Variants in WDR81 observed in about 807,000 individuals in gnomAD.
WDR81 encodes the protein WD repeat domain 81, also known as WD repeat-containing protein 81.
Under a neutral mutation model 140.8 loss-of-function variants are expected in WDR81, and 92 were observed. The observed-to-expected ratio is 0.65, with a 90% CI of 0.55 to 0.78. The LOEUF is 0.78. Ranked by LOEUF, WDR81 falls within the 30% of genes least tolerant of loss-of-function variation. The pLI, the probability that WDR81 is intolerant of heterozygous loss-of-function variation, is 0.00. For missense variants in WDR81, 2,502 were observed against 2,636.4 expected (o/e 0.95, Z 1.12); for synonymous variants, 1,183 against 1,156.4 (o/e 1.02, Z -0.47).
chr17:1,732,109 T>A (rs914115674), intron 4 of WDR81, among the ~76,000 whole-genome samples: 12 of 151,956 alleles, frequency 7.9e-5, no homozygotes, highest in Non-Finnish European at 1.8e-4. Context: ...TGGTGGCTCA[T>A]GCCTGTAGTC....
chr17:1,730,409 T>C lies in WDR81; in HGVS notation c.3697T>C (p.Ser1233Pro). 6.2e-7 allele frequency: 1 copy of C among 1,613,082 alleles called. No individual in the cohort carries two copies. The highest frequency in any genetic ancestry group is 1.1e-5 in the South Asian group (1 of 91,040). Residue 1233 changes from serine to proline, a missense_variant, in exon 2 of 10, where the codon TCT becomes CCT. Transcript: ENST00000409644. ...AGCCTGCAAGATGGTCCGCTGGCTGTCTGCCAAGCTCGGCCCCACAGTGGC... is the reference window on the plus strand; with the variant it reads ...AGCCTGCAAGATGGTCCGCTGGCTGCCTGCCAAGCTCGGCCCCACAGTGGC... ...DTACKMVRWLSAKLGPTVASR... is the reference protein window; with the variant it reads ...DTACKMVRWLPAKLGPTVASR...
Position 1,730,401 on chromosome 17 carries a change from G to C in WDR81, c.3689G>C (p.Arg1230Pro), listed in dbSNP as rs763519952. The C allele has an allele frequency of 2.5e-6, 4 of 1,612,844 alleles. No homozygotes were observed. Among genetic ancestry groups the C allele is most frequent in the Non-Finnish European group, 8.5e-7 (1 of 1,179,792 alleles). ...ILLDTACKMV[R>P]WLSAKLGPTV... ...GCAGATACAGCCTGCAAGATGGTCC[G>C]CTGGCTGTCTGCCAAGCTCGGCCCC... is the stretch of plus-strand genomic sequence containing the variant. Residue 1230 changes from arginine to proline, a missense_variant, in exon 2 of 10, where the codon CGC (arginine) becomes CCC (proline). Transcript: ENST00000409644.
Position 1,716,698 on chromosome 17 carries a change from C to T in WDR81, c.-124+65C>T. ...GGGGAAGTCCTTAAAGGGCGACAGC[C>T]CCTCCTTGTTGGAGTCGTGAGTGCT... On this transcript the variant is annotated intron_variant, in intron 1 of 10. Transcript: ENST00000309182. The T allele has an allele frequency of 2.0e-6, 3 of 1,525,294 alleles. No individual in the cohort carries two copies. In the South Asian group the frequency reaches 3.6e-5, roughly 18 times the overall value. 94.5% of individuals were successfully genotyped at this position (1,525,294 alleles called of 1,614,324 possible). A position where few individuals can be genotyped will look rare whatever the true frequency, so the allele number is the denominator to read the frequency against.
In WDR81 at chr17:1,727,029, C is replaced by G. The variant is rs745835118; in HGVS notation, c.2070C>G (p.Leu690=). Reference sequence around the variant, plus strand: ...CCAGTCAAGCGTCCCCTGGACTTCTCTCTTTCTCAGTGGCCTCAGCCTCCC... The same window carrying G: ...CCAGTCAAGCGTCCCCTGGACTTCTGTCTTTCTCAGTGGCCTCAGCCTCCC... ...GSSSQASPGL[L]SFSVASASRP... is the part of the protein sequence containing the mutation. Residue 690 remains leucine (L), a synonymous_variant, in exon 1 of 10, where the codon CTC becomes CTG. Coordinates refer to ENST00000409644, the MANE Select transcript of WDR81 (RefSeq NM_001163809.2). The G allele has an allele frequency of 4.5e-6, 7 of 1,550,402 alleles. No homozygotes were observed. The East Asian group carries it at 7.3e-5, about 16-fold the overall frequency.
Position 1,725,519 on chromosome 17 carries a change from G to C in WDR81, c.560G>C (p.Cys187Ser), listed in dbSNP as rs1464955622. 6.5e-7 allele frequency: 1 copy of C among 1,545,580 alleles called. No individual in the cohort carries two copies. Among genetic ancestry groups the C allele is most frequent in the African/African-American group, 1.4e-5 (1 of 73,056 alleles). ...VRQALQRVYG[C>S]SFLPVGETTQ... ...CAGGCTCTGCAGAGGGTCTATGGTT[G>C]CTCCTTCCTGCCAGTGGGTGAAACT... Residue 187 changes from cysteine to serine, a missense_variant, in exon 1 of 10, where the codon TGC (cysteine) becomes TCC (serine). Transcript: ENST00000409644.
chr17:1,733,490 T>C, intron 6 of WDR81, 37 bp from the exon 7 acceptor site: 3 of 1,496,618 alleles, frequency 2.0e-6, no homozygotes, highest in Non-Finnish European at 2.7e-6. Flanking sequence ...CCGCCTGCCA[T>C]CTTCCCTGTC....
Position 1,731,167 on chromosome 17 carries a change from C to A in WDR81, c.4066C>A (p.Leu1356Ile). Residue 1356 changes from leucine (L) to isoleucine (I), a missense_variant, in exon 4 of 10, where the codon CTC becomes ATC. Leu to Ile is a conservative substitution (Grantham distance 5). This residue lies in a region of WDR81 where 1,737 missense variants were observed against 1,843.0 expected (regional missense o/e 0.94). Transcript: ENST00000409644. ...GCTGACTCAGAAGATCATCGTGTAC[C>A]TCTCAGACACCACACTCATGGACAT... is the stretch of plus-strand genomic sequence containing the variant. ...VTLTQKIIVY[L>I]SDTTLMDILP... is the part of the protein sequence containing the mutation. 1 of 1,613,546 alleles carries A rather than the reference C, an allele frequency of 6.2e-7. No individual in the cohort carries two copies. The highest frequency in any genetic ancestry group is 1.3e-5 in the African/African-American group (1 of 75,054).
In WDR81 at chr17:1,735,465, C is replaced by A; in HGVS notation, c.5180-107C>A. 1.7e-6 allele frequency: 2 copies of A among 1,163,652 alleles called. No homozygotes were observed. Among genetic ancestry groups the A allele is most frequent in the Non-Finnish European group, 1.2e-6 (1 of 851,542 alleles). The allele number at this position is 1,163,652 out of a possible 1,614,324, so 72.1% of individuals were successfully genotyped here. A position where few individuals can be genotyped will look rare whatever the true frequency, so the allele number is the denominator to read the frequency against. Reference sequence around the variant, plus strand: ...AACATCTTTAGCATTTTCTAAGGATCCCTGGGGGACGGGAGGCAGGTGTGC... The same window carrying A: ...AACATCTTTAGCATTTTCTAAGGATACCTGGGGGACGGGAGGCAGGTGTGC... On this transcript the variant is annotated intron_variant, in intron 7 of 9. Coordinates refer to ENST00000409644, the MANE Select transcript of WDR81 (RefSeq NM_001163809.2). The surrounding 1 kb of genome is among the most constrained non-coding windows in gnomAD (Gnocchi z 4.2).
rs1294165434 is a variant in WDR81 at position 1,726,000 on chromosome 17, C to T, written c.1041C>T (p.Ser347=). Residue 347 remains serine, a synonymous_variant, in exon 1 of 10, where the codon AGC becomes AGT. Transcript: ENST00000409644. ...CCACTGGCCAGGAGGAACTTCGGAGCCTCGTGCTAGATTGGGTCCACGGCC... is the reference window on the plus strand; with the variant it reads ...CCACTGGCCAGGAGGAACTTCGGAGTCTCGTGCTAGATTGGGTCCACGGCC... The part of the protein sequence containing the change: ...GQPTGQEELR[S]LVLDWVHGRI... 1.9e-6 allele frequency: 3 copies of T among 1,547,856 alleles called. No individual in the cohort carries two copies. The highest frequency in any genetic ancestry group is 2.6e-6 in the Non-Finnish European group (3 of 1,145,220).
At position 1,732,347 on chromosome 17, in the gene WDR81, C is replaced by T. The variant is rs916103102; in HGVS notation, c.4180C>T (p.Arg1394Trp). Residue 1394 changes from arginine to tryptophan, a missense_variant, in exon 5 of 10, where the codon CGG becomes TGG. Physicochemically the swap from Arg to Trp is moderately radical, Grantham distance 101 (BLOSUM62 -3). Coordinates refer to ENST00000409644, the MANE Select transcript of WDR81 (RefSeq NM_001163809.2). The part of the protein sequence containing the change: ...VTGFPSGAQA[R>W]TILCVKTISL... ...CAGGTTCCCAAGTGGGGCCCAGGCTCGGACCATCCTGTGTGTGAAAACCAT... is the reference window on the plus strand; with the variant it reads ...CAGGTTCCCAAGTGGGGCCCAGGCTTGGACCATCCTGTGTGTGAAAACCAT... 40 of 1,613,226 alleles carry T rather than the reference C, an allele frequency of 2.5e-5. No homozygotes were observed. The highest frequency in any genetic ancestry group is 3.1e-5 in the Non-Finnish European group (36 of 1,180,018).
Position 1,735,886 on chromosome 17 carries a change from C to A in WDR81, c.5326-153C>A. ...ACATCCTGCGGGGCAGGACTCTGGC[C>A]TGTGATGGGGGTGGGGTTCTGGGCT... On this transcript the variant is annotated intron_variant, in intron 8 of 9. Transcript: ENST00000409644. The surrounding 1 kb of genome is among the most constrained non-coding windows in gnomAD (Gnocchi z 4.2). 7.3e-7 allele frequency: 1 copy of A among 1,370,506 alleles called. No individual in the cohort carries two copies. The highest frequency in any genetic ancestry group is 1.5e-5 in the South Asian group (1 of 68,858). 84.9% of individuals were successfully genotyped at this position (1,370,506 alleles called of 1,614,324 possible).
intron 1 of WDR81, 25 bp from the exon 2 acceptor site, chr17:1,730,355 C>T: frequency 6.3e-7 from 1 of 1,593,310 alleles, no homozygotes; most frequent in Non-Finnish European, 8.6e-7. Flanking sequence ...ATCTGAGGAG[C>T]TCAGGGCCTG....
In WDR81 at chr17:1,737,640, C is replaced by T. The variant is rs1376631625; in HGVS notation, c.5781C>T (p.His1927=). ...TGGCCTTGCTGCCCACTAAACGCCA[C>T]CTCCTGCTGGGCTCAGACAACGGGG... ...TSLALLPTKR[H]LLLGSDNGVI... The change falls in exon 10 of 10, where the codon CAC becomes CAT. Residue 1927 remains histidine (H), a synonymous_variant. Transcript: ENST00000409644. 1 of 1,612,290 alleles carries T rather than the reference C, an allele frequency of 6.2e-7. No individual in the cohort carries two copies. The highest frequency in any genetic ancestry group is 1.3e-5 in the African/African-American group (1 of 74,950).
At chr17:1,733,011 G>C (rs567616557) in intron 6 of WDR81, 180 bp downstream of exon 6, 8 of 719,164 alleles carry the variant, frequency 1.1e-5, no homozygotes, top group Non-Finnish European at 1.7e-5. Flanking sequence ...CAAGGACTGA[G>C]CAGTAGCCAG....
At position 1,725,024 on chromosome 17, in the gene WDR81, C is replaced by T; in HGVS notation, c.65C>T (p.Pro22Leu). 6.8e-7 allele frequency: 1 copy of T among 1,472,114 alleles called. No individual in the cohort carries two copies. Among genetic ancestry groups the T allele is most frequent in the Non-Finnish European group, 9.0e-7 (1 of 1,113,882 alleles). The allele number at this position is 1,472,114 out of a possible 1,614,324, so 91.2% of individuals were successfully genotyped here. A position where few individuals can be genotyped will look rare whatever the true frequency, so the allele number is the denominator to read the frequency against. The change falls in exon 1 of 10, where the codon CCG (proline) becomes CTG (leucine). Residue 22 changes from proline (P) to leucine (L), a missense_variant. Physicochemically the swap from Pro to Leu is moderately conservative, Grantham distance 98. Coordinates refer to ENST00000409644, the MANE Select transcript of WDR81 (RefSeq NM_001163809.2). ...ACCCCGGCCGGGGGCTGGCATTCCC[C>T]GCCAAGCCCAGACATGCAGGAGCTG... The part of the protein sequence containing the change: ...LRTPAGGWHS[P>L]PSPDMQELLR...
rs545456101 is a variant in WDR81, at chr17:1,734,111, G to A, written c.5074G>A (p.Val1692Ile). 9.8e-5 allele frequency: 149 copies of A among 1,525,510 alleles called. 1 individual carries two copies. The highest frequency in any genetic ancestry group is 1.7e-4 in the Middle Eastern group (1 of 5,792). 94.5% of individuals were successfully genotyped at this position (1,525,510 alleles called of 1,614,324 possible). A position where few individuals can be genotyped will look rare whatever the true frequency, so the allele number is the denominator to read the frequency against. The change falls in exon 7 of 10, where the codon GTC becomes ATC. Residue 1692 changes from valine to isoleucine, a missense_variant. This residue lies in a region of WDR81 where 1,737 missense variants were observed against 1,843.0 expected (regional missense o/e 0.94). Transcript: ENST00000409644. ...GACCAGCGAGACGGCCCCACGCCTCGTCTACACCCAGCACCGCAAGAGCGT... is the reference window on the plus strand; with the variant it reads ...GACCAGCGAGACGGCCCCACGCCTCATCTACACCCAGCACCGCAAGAGCGT... ...DGTSETAPRL[V>I]YTQHRKSVFF...
chr17:1,719,236 A>G (rs1355062856), intron 1 of WDR81, among the ~76,000 whole-genome samples: 1 of 152,216 alleles, frequency 6.6e-6, no homozygotes, highest in Non-Finnish European at 1.5e-5. Context: ...GGATTTCAAC[A>G]TTTAAAAATA....
At position 1,726,362 on chromosome 17, in the gene WDR81, G is replaced by A. The variant is rs1212815198; in HGVS notation, c.1403G>A (p.Arg468His). The A allele has an allele frequency of 1.9e-6, 3 of 1,548,904 alleles. No individual in the cohort carries two copies. Among genetic ancestry groups the A allele is most frequent in the South Asian group, 1.2e-5 (1 of 83,914 alleles). Reference sequence around the variant, plus strand: ...CGGTCGGTGCTCTGCGGACACGTCCGCGCGCAGTGGGAGCCCCATGAGTAT... The same window carrying A: ...CGGTCGGTGCTCTGCGGACACGTCCACGCGCAGTGGGAGCCCCATGAGTAT... The part of the protein sequence containing the change: ...TPRSVLCGHV[R>H]AQWEPHEYPA... Residue 468 changes from arginine to histidine, a missense_variant, in exon 1 of 10, where the codon CGC becomes CAC. Arg to His is a conservative substitution (Grantham distance 29). Coordinates refer to ENST00000409644, the MANE Select transcript of WDR81 (RefSeq NM_001163809.2).
chr17:1,733,041 G>A, intron 6 of WDR81: 1 of 602,368 alleles, frequency 1.7e-6, no homozygotes, highest in Non-Finnish European at 2.8e-6. Context: ...CCCAGAAGCT[G>A]GCCTGTAGTG....
Sources: allele counts gnomAD v4.1 joint callset (sites outside exome capture counted in the v4.1 genomes callset), GRCh38; gene constraint gnomAD v4.1.1; regional missense constraint gnomAD v4.1.1; non-coding constraint Gnocchi (gnomAD v3.1); transcripts MANE v1.5; gene names NCBI Gene and HGNC (gene_info 2026-07-23, HGNC 2026-07-21).